Variants in GABRQ observed in about 807,000 individuals in gnomAD.
GABRQ encodes the protein gamma-aminobutyric acid receptor subunit theta.
In GABRQ, 19 loss-of-function variants were observed where a neutral mutation model predicts 30.5. That is an observed-to-expected ratio of 0.62 (90% CI 0.43 to 0.91). The LOEUF is 0.91. GABRQ is among the 40% of genes least tolerant of loss of function. The pLI is 0.00. For synonymous variants in GABRQ, 187 were observed against 210.2 expected (o/e 0.89, Z 0.95); for missense variants, 520 against 521.4 (o/e 1.00, Z 0.03).
intron 1 of GABRQ, among the ~76,000 whole-genome samples, chrX:152,639,378 G>GCACACACGCACACA (rs1556817963): frequency 1.5e-4 from 16 of 103,362 alleles, no homozygotes; most frequent in African/African-American, 5.7e-4. Flanking sequence ...ATGCGCGTGC[G>GCACACACGCACACA]CACACACACA....
intron 4 of GABRQ, among the ~76,000 whole-genome samples, chrX:152,647,812 G>A (rs1556819472): frequency 3.6e-5 from 4 of 111,829 alleles, no homozygotes; most frequent in African/African-American, 1.3e-4. Context: ...CCTCACAGCG[G>A]CATCTCTTAC....
At position 152,654,331 on chromosome X, in the gene GABRQ, C is replaced by T. The variant is rs1277232245; in HGVS notation, c.*1050C>T. On this transcript the variant is annotated 3_prime_UTR_variant, in exon 9 of 9. Transcript: ENST00000598523. ...TAGTAAGTGTCAACAAGCTCCCTGA[C>T]CCATTACATCACTGGAGCCTCACAG... The T allele has an allele frequency of 8.9e-6, 1 of 111,986 alleles. No homozygotes were observed. Among genetic ancestry groups the T allele is most frequent in the Non-Finnish European group, 1.9e-5 (1 of 53,208 alleles). 9.2% of individuals were successfully genotyped at this position (111,986 alleles called of 1,213,427 possible).
At chrX:152,657,796 A>G (rs1183522708), downstream of GABRQ, among the ~76,000 whole-genome samples, 1 of 112,732 alleles carries the variant, frequency 8.9e-6, no homozygotes, top group Admixed American at 9.4e-5. Context: ...CTTTTAAAAC[A>G]GAACAGGCCA....
downstream of GABRQ, among the ~76,000 whole-genome samples, chrX:152,657,707 G>A (rs1376632706): frequency 2.7e-5 from 3 of 111,993 alleles, no homozygotes; most frequent in East Asian, 2.8e-4. Flanking sequence ...TGGTTTTCAA[G>A]CCGAGGGGAA....
chrX:152,640,274 G>A, intron 1 of GABRQ, 104 bp from the exon 2 acceptor site: 1 of 559,298 alleles, frequency 1.8e-6, no homozygotes, highest in Admixed American at 2.3e-5. Flanking sequence ...CGTATGACTG[G>A]ACATGTCTGC....
At chrX:152,643,943 A>G (rs959740203) in intron 2 of GABRQ, among the ~76,000 whole-genome samples, 1 of 111,938 alleles carries the variant, frequency 8.9e-6, no homozygotes, top group South Asian at 3.7e-4. Flanking sequence ...ACACATGCAA[A>G]TTTATTCACT....
intron 1 of GABRQ, among the ~76,000 whole-genome samples, chrX:152,640,173 G>C (rs782606128): frequency 4.2e-4 from 47 of 110,643 alleles, no homozygotes; most frequent in Non-Finnish European, 7.2e-4. Context: ...GGGAAGGTGG[G>C]GGGGGGAGGA....
At chrX:152,645,429 G>A (rs782059013) in intron 2 of GABRQ, 98 bp from the exon 3 acceptor site, 2 of 557,905 alleles carry the variant, frequency 3.6e-6, no homozygotes, top group South Asian at 5.2e-5. Flanking sequence ...CAACTAACAA[G>A]TTTCAAAGAG....
intron 7 of GABRQ, among the ~76,000 whole-genome samples, chrX:152,650,948 G>A (rs782752581): frequency 1.1e-4 from 12 of 111,605 alleles, no homozygotes; most frequent in African/African-American, 3.9e-4. Flanking sequence ...GATGAGGAGA[G>A]CAGCACAAAG....
chrX:152,652,939 G>A lies in GABRQ; in HGVS notation c.1557G>A (p.Met519Ile). 2 of 1,211,299 alleles carry A rather than the reference G, an allele frequency of 1.7e-6. No homozygotes were observed. Among genetic ancestry groups the A allele is most frequent in the Non-Finnish European group, 2.2e-6 (2 of 894,659 alleles). ...RHGHGPSGKP[M>I]LHHGEKGVQE... is the part of the protein sequence containing the mutation. Reference sequence around the variant, plus strand: ...GCCATGGCCCCAGTGGGAAGCCCATGCTTCACCATGGCGAGAAGGGTGTGC... The same window carrying A: ...GCCATGGCCCCAGTGGGAAGCCCATACTTCACCATGGCGAGAAGGGTGTGC... Residue 519 changes from methionine to isoleucine, a missense_variant, in exon 9 of 9, where the codon ATG becomes ATA. By Grantham distance (10) the Met-to-Ile change is conservative (BLOSUM62 1). Transcript: ENST00000598523.
chrX:152,639,850 C>T (rs782427928), intron 1 of GABRQ, among the ~76,000 whole-genome samples: 9 of 111,454 alleles, frequency 8.1e-5, no homozygotes, highest in Non-Finnish European at 1.3e-4. Flanking sequence ...TAAAAAATGC[C>T]CAGCCCTAGC....
Position 152,637,957 on chromosome X carries a change from G to A in GABRQ, c.-246G>A, listed in dbSNP as rs370072058. On this transcript the variant is annotated 5_prime_UTR_variant, in exon 1 of 9. Coordinates refer to ENST00000598523, the MANE Select transcript of GABRQ (RefSeq NM_018558.4). Reference sequence around the variant, plus strand: ...CGCAGCTGCCGGGCGGGCCCTGGGGGGAGCTGCGTCCAGCAGAGCTGCTGG... The same window carrying A: ...CGCAGCTGCCGGGCGGGCCCTGGGGAGAGCTGCGTCCAGCAGAGCTGCTGG... Among the ~76,000 whole-genome samples, 4 of 113,379 alleles carry A rather than the reference G, an allele frequency of 3.5e-5. No homozygotes were observed. Among genetic ancestry groups the A allele is most frequent in the Admixed American group, 9.2e-5 (1 of 10,881 alleles).
intron 1 of GABRQ, 48 bp from the exon 2 acceptor site, chrX:152,640,330 A>C: frequency 1.2e-6 from 1 of 816,250 alleles, no homozygotes; most frequent in Non-Finnish European, 1.9e-6. Flanking sequence ...ACCACTGGCA[A>C]GCGGGCCCCA....
intron 7 of GABRQ, among the ~76,000 whole-genome samples, chrX:152,650,810 G>A (rs190118309): frequency 1.3e-3 from 150 of 111,294 alleles, no homozygotes; most frequent in African/African-American, 4.5e-3. Flanking sequence ...ATCTTGGCCC[G>A]TTGAGCCCCG....
At chrX:152,652,231 G>T (rs1931040413) in intron 8 of GABRQ, among the ~76,000 whole-genome samples, 1 of 112,863 alleles carries the variant, frequency 8.9e-6, no homozygotes, top group African/African-American at 3.2e-5. Flanking sequence ...TCCCTCCTTC[G>T]CAGAAAGCCC....
Position 152,651,573 on chromosome X carries a change from G to A in GABRQ, c.949G>A (p.Asp317Asn), listed in dbSNP as rs1556820211. The change falls in exon 8 of 9, where the codon GAT becomes AAT. Residue 317 changes from aspartate (D) to asparagine (N), a missense_variant. By Grantham distance (23) the Asp-to-Asn change is conservative. Transcript: ENST00000598523. ...GACCACCATCGACTCACATCTGCGG[G>A]ATAAGCTCCCCAACATTTCCTGTAT... ...ILTTIDSHLR[D>N]KLPNISCIKA... 5 of 1,206,916 alleles carry A rather than the reference G, an allele frequency of 4.1e-6. No individual in the cohort carries two copies. Among genetic ancestry groups the A allele is most frequent in the Admixed American group, 4.3e-5 (2 of 46,121 alleles).
At position 152,650,377 on chromosome X, in the gene GABRQ, G is replaced by A. The variant is rs41301317; in HGVS notation, c.749-51G>A. ...TCTCCATCCTGTACCTCTCCACCCT[G>A]CAAATGCGCCTCAGCCCTGCCACCC... On this transcript the variant is annotated intron_variant, in intron 6 of 8. Transcript: ENST00000598523. 5.2e-3 allele frequency: 5,835 copies of A among 1,112,238 alleles called. 14 individuals are homozygous for A. Among genetic ancestry groups the A allele is most frequent in the Non-Finnish European group, 6.7e-3 (5,476 of 816,141 alleles). The allele number at this position is 1,112,238 out of a possible 1,213,427, so 91.7% of individuals were successfully genotyped here.
At chrX:152,658,587 A>G (rs782331088), downstream of GABRQ, among the ~76,000 whole-genome samples, 1 of 112,050 alleles carries the variant, frequency 8.9e-6, no homozygotes, top group East Asian at 2.8e-4. Flanking sequence ...CAGGCCAGCA[A>G]TGTCATCCCT....
At chrX:152,658,856 C>T (rs782531271), downstream of GABRQ, among the ~76,000 whole-genome samples, 115 of 111,764 alleles carry the variant, frequency 1.0e-3, no homozygotes, top group African/African-American at 3.6e-3. Context: ...CTCGAGAAAT[C>T]CCACCCTGAT....
Sources: allele counts gnomAD v4.1 joint callset (sites outside exome capture counted in the v4.1 genomes callset), GRCh38; gene constraint gnomAD v4.1.1; transcripts MANE v1.5; gene names NCBI Gene and HGNC (gene_info 2026-07-23, HGNC 2026-07-21).